Variants in LST1 observed in about 807,000 individuals in gnomAD.
The protein encoded by LST1 is leukocyte-specific transcript 1 protein.
Under a neutral mutation model 8.5 loss-of-function variants are expected in LST1, and 9 were observed. The ratio of observed to expected loss-of-function variants is 1.06; its 90% confidence interval spans 0.64 to 1.85. The LOEUF (loss-of-function observed/expected upper bound fraction) is 1.85. LST1 is among the 40% of genes most tolerant of loss of function. LST1 has a pLI of 0.00. For synonymous variants in LST1, 53 were observed against 50.4 expected, an observed-to-expected ratio of 1.05 and a Z score of -0.21; for missense variants, 121 against 117.1, an observed-to-expected ratio of 1.03 and a Z score of -0.16.
intron 4 of LST1, chr6:31,588,259 C>T (rs1772184112): frequency 6.7e-6 from 4 of 596,974 alleles, no homozygotes; most frequent in Admixed American, 6.0e-5. Context: ...GAACCAGGCA[C>T]AGTGGCTCAC....
chr6:31,588,374 AAGAGAGAGAGAGAGAG>A, intron 4 of LST1, 128 bp from the exon 5 acceptor site: 1 of 626,338 alleles, frequency 1.6e-6, no homozygotes, highest in Non-Finnish European at 2.7e-6. Flanking sequence ...CCAAAGAAAA[AAGAGAGAGAGAGAGAG>A]AGAGAGAGAG....
chr6:31,588,539 G>A lies in LST1; in HGVS notation c.157G>A (p.Glu53Lys). 6.2e-7 allele frequency: 1 copy of A among 1,610,098 alleles called. No homozygotes were observed. The highest frequency in any genetic ancestry group is 1.7e-5 in the Admixed American group (1 of 59,476). ...CCAGGCCCAGGGCTCCTCAGAGCAGGAACTCCACTATGCATCTCTGCAGAG... is the reference window on the plus strand; with the variant it reads ...CCAGGCCCAGGGCTCCTCAGAGCAGAAACTCCACTATGCATCTCTGCAGAG... The part of the protein sequence containing the change: ...RSWAQGSSEQ[E>K]LHYASLQRLP... Residue 53 changes from glutamate to lysine, a missense_variant, in exon 5 of 5, where the codon GAA becomes AAA. Physicochemically the swap from Glu to Lys is moderately conservative, Grantham distance 56. Coordinates refer to ENST00000438075, the MANE Select transcript of LST1 (RefSeq NM_205839.3).
rs757288158 is a variant in LST1, at chr6:31,588,499, C to A, written c.136-19C>A. On this transcript the variant is annotated intron_variant, in intron 4 of 4. Transcript: ENST00000438075. ...CTGACGGCATCGCCTCCCATCAGCA[C>A]CTTCTGTCCTGGTCCCAGGCCCAGG... The A allele has an allele frequency of 1.3e-6, 2 of 1,582,854 alleles. No individual in the cohort carries two copies. Among genetic ancestry groups the A allele is most frequent in the Non-Finnish European group, 1.7e-6 (2 of 1,164,704 alleles).
At position 31,587,731 on chromosome 6, in the gene LST1, G is replaced by A. The variant is rs945514923; in HGVS notation, c.110G>A (p.Arg37Lys). The A allele has an allele frequency of 6.9e-6, 11 of 1,593,776 alleles. No individual in the cohort carries two copies. The highest frequency in any genetic ancestry group is 8.5e-6 in the Non-Finnish European group (10 of 1,170,580). ...LSACLCWLHRRVKRLERSWAQ... is the reference protein window; with the variant it reads ...LSACLCWLHRKVKRLERSWAQ... ...GCCTGCCTGTGTTGGCTGCATCGAAGAGGTGAGCGCTGCACTCCCTCCCTC... is the reference window on the plus strand; with the variant it reads ...GCCTGCCTGTGTTGGCTGCATCGAAAAGGTGAGCGCTGCACTCCCTCCCTC... The change falls in exon 3 of 5, where the codon AGA (arginine) becomes AAA (lysine). Residue 37 changes from arginine to lysine, a missense_variant and splice_region_variant. Arg to Lys is a conservative substitution (Grantham distance 26). Coordinates refer to ENST00000438075, the MANE Select transcript of LST1 (RefSeq NM_205839.3).
At chr6:31,587,809 T>A (rs1772115590) in intron 3 of LST1, 76 bp downstream of exon 3, 1 of 1,506,688 alleles carries the variant, frequency 6.6e-7, no homozygotes, top group Admixed American at 2.0e-5. Flanking sequence ...TCCCACTGCT[T>A]TCCCAGAACA....
intron 3 of LST1, 96 bp downstream of exon 3, chr6:31,587,829 C>G: frequency 1.3e-6 from 2 of 1,529,122 alleles, no homozygotes; most frequent in Non-Finnish European, 1.8e-6. Flanking sequence ...ACTGCCTGGC[C>G]CTGGAGCCAC....
At position 31,587,969 on chromosome 6, in the gene LST1, GA is replaced by G. The variant is rs1433516897; in HGVS notation, c.135+4del. On this transcript the variant is annotated splice_donor_region_variant and intron_variant, in intron 4 of 4. Coordinates refer to ENST00000438075, the MANE Select transcript of LST1 (RefSeq NM_205839.3). ...TAAAGAGGCTGGAGAGGAGCTGGGT[GA>G]GTCTGGGGACAGGGAAGGGGGAGGG... 1 of 1,609,274 alleles carries G rather than the reference GA, an allele frequency of 6.2e-7. No individual in the cohort carries two copies. The highest frequency in any genetic ancestry group is 8.5e-7 in the Non-Finnish European group (1 of 1,178,056).
Position 31,588,837 on chromosome 6 carries a change from C to A in LST1, c.*161C>A. 1.1e-6 allele frequency: 1 copy of A among 926,152 alleles called. No homozygotes were observed. Among genetic ancestry groups the A allele is most frequent in the Non-Finnish European group, 1.6e-6 (1 of 608,768 alleles). The allele number at this position is 926,152 out of a possible 1,614,324, so 57.4% of individuals were successfully genotyped here. A position where few individuals can be genotyped will look rare whatever the true frequency, so the allele number is the denominator to read the frequency against. ...CATCAAAACTTATGTGGCTTTTTGACCTTTGAATAGGGAATTTTTTAAATT... is the reference window on the plus strand; with the variant it reads ...CATCAAAACTTATGTGGCTTTTTGAACTTTGAATAGGGAATTTTTTAAATT... On this transcript the variant is annotated 3_prime_UTR_variant, in exon 5 of 5. Transcript: ENST00000438075.
At position 31,588,737 on chromosome 6, in the gene LST1, G is replaced by C; in HGVS notation, c.*61G>C. 1 of 1,584,988 alleles carries C rather than the reference G, an allele frequency of 6.3e-7. No homozygotes were observed. Among genetic ancestry groups the C allele is most frequent in the African/African-American group, 1.3e-5 (1 of 74,434 alleles). On this transcript the variant is annotated 3_prime_UTR_variant, in exon 5 of 5. Transcript: ENST00000438075. ...ACAGGGTCCCCCTGTGGTCCAGCCA[G>C]TAAAAACCATGGTCCCCCCACTTCT...
chr6:31,588,708 G>A lies in LST1; in HGVS notation c.*32G>A. 6 of 1,612,250 alleles carry A rather than the reference G, an allele frequency of 3.7e-6. No homozygotes were observed. Among genetic ancestry groups the A allele is most frequent in the South Asian group, 1.1e-5 (1 of 91,080 alleles). On this transcript the variant is annotated 3_prime_UTR_variant, in exon 5 of 5. Coordinates refer to ENST00000438075, the MANE Select transcript of LST1 (RefSeq NM_205839.3). Reference sequence around the variant, plus strand: ...CAGACACCTTCCTCAACCCAGGCGGGTGGACAGGGTCCCCCTGTGGTCCAG... The same window carrying A: ...CAGACACCTTCCTCAACCCAGGCGGATGGACAGGGTCCCCCTGTGGTCCAG...
At chr6:31,588,328 GA>G (rs34057565) in intron 4 of LST1, 189 bp from the exon 5 acceptor site, 7,909 of 669,560 alleles carry the variant, frequency 0.012, 71 homozygotes, top group South Asian at 0.033. Context: ...CTCAGGGGTT[GA>G]AGACAATCCT....
chr6:31,588,403 GGAGAGA>G, intron 4 of LST1, 109 bp from the exon 5 acceptor site: 2 of 539,850 alleles, frequency 3.7e-6, no homozygotes, highest in Non-Finnish European at 6.1e-6. Context: ...AGAGAGAGAG[GGAGAGA>G]GAGAGAGAGA....
In LST1 at chr6:31,587,700, C is replaced by T; in HGVS notation, c.79C>T (p.Leu27=). 6.3e-7 allele frequency: 1 copy of T among 1,594,850 alleles called. No individual in the cohort carries two copies. Among genetic ancestry groups the T allele is most frequent in the East Asian group, 2.3e-5 (1 of 44,014 alleles). The stretch of plus-strand genomic sequence containing the variant: ...GCTCCTGCTTCTGGCAGTGGTCCTT[C>T]TGTCCGCCTGCCTGTGTTGGCTGCA... ...GGLLLLAVVL[L]SACLCWLHRR... The change falls in exon 3 of 5, where the codon CTG becomes TTG. Residue 27 remains leucine (L), a synonymous_variant. Transcript: ENST00000438075.
At chr6:31,587,874 G>T (rs878941079) in intron 3 of LST1, 70 bp from the exon 4 acceptor site, 18 of 1,570,656 alleles carry the variant, frequency 1.1e-5, no homozygotes, top group Admixed American at 5.4e-5. Flanking sequence ...GCCTGCTGGT[G>T]GGGGGAGCCC....
chr6:31,587,903 C>A, intron 3 of LST1, 41 bp from the exon 4 acceptor site: 1 of 1,598,364 alleles, frequency 6.3e-7, no homozygotes, highest in Non-Finnish European at 8.5e-7. Context: ...CCGGGAGAAG[C>A]ACAAAGGGTG....
Position 31,587,656 on chromosome 6 carries a change from G to A in LST1, c.35G>A (p.Gly12Glu). 1.2e-6 allele frequency: 2 copies of A among 1,602,730 alleles called. No individual in the cohort carries two copies. Among genetic ancestry groups the A allele is most frequent in the Non-Finnish European group, 1.7e-6 (2 of 1,175,176 alleles). Reference sequence around the variant, plus strand: ...TTCCCTGAAGATATATGTATCTACGGGGGCCTGGGGCTGGGCGGGCTCCTG... The same window carrying A: ...TTCCCTGAAGATATATGTATCTACGAGGGCCTGGGGCTGGGCGGGCTCCTG... ...LSRNDDICIY[G>E]GLGLGGLLLL... Residue 12 changes from glycine (G) to glutamate (E), a missense_variant, in exon 3 of 5, where the codon GGG becomes GAG. Transcript: ENST00000438075.
Position 31,588,756 on chromosome 6 carries a change from C to A in LST1, c.*80C>A, listed in dbSNP as rs746861580. On this transcript the variant is annotated 3_prime_UTR_variant, in exon 5 of 5. Coordinates refer to ENST00000438075, the MANE Select transcript of LST1 (RefSeq NM_205839.3). ...CAGCCAGTAAAAACCATGGTCCCCCCACTTCTGTGTCTCAGTCCTCTCAGT... is the reference window on the plus strand; with the variant it reads ...CAGCCAGTAAAAACCATGGTCCCCCAACTTCTGTGTCTCAGTCCTCTCAGT... 2 of 1,471,992 alleles carry A rather than the reference C, an allele frequency of 1.4e-6. No individual in the cohort carries two copies. Among genetic ancestry groups the A allele is most frequent in the Non-Finnish European group, 1.9e-6 (2 of 1,051,492 alleles). 91.2% of individuals were successfully genotyped at this position (1,471,992 alleles called of 1,614,324 possible).
intron 3 of LST1, 54 bp from the exon 4 acceptor site, chr6:31,587,880 AGCCCGGGAGG>A (rs1772127007): frequency 6.4e-7 from 1 of 1,571,962 alleles, no homozygotes; most frequent in African/African-American, 1.4e-5. Context: ...TGGTGGGGGG[AGCCCGGGAGG>A]GCCCGGGAGA....
At chr6:31,588,128 G>A in intron 4 of LST1, 162 bp downstream of exon 4, 1 of 688,836 alleles carries the variant, frequency 1.5e-6, no homozygotes, top group South Asian at 2.3e-5. Flanking sequence ...AAGAGAAAGA[G>A]AAAATGAGAC....
Sources: gnomAD v4.1 joint callset for allele counts on GRCh38, gnomAD v4.1.1 for gene constraint, MANE v1.5 for transcripts, NCBI Gene and HGNC (gene_info 2026-07-23, HGNC 2026-07-21) for gene names.